The following THRB variants were observed in gnomAD, a reference collection of about 807,000 sequenced individuals.
THRB encodes the protein thyroid hormone receptor beta, also known as nuclear receptor subfamily 1 group A member 2.
In THRB, 12 loss-of-function variants were observed where a neutral mutation model predicts 47.8. The observed-to-expected ratio is 0.25, with a 90% CI of 0.16 to 0.41. The LOEUF is 0.41. Among genes scored for constraint, THRB ranks in the 10% least tolerant of loss-of-function variants. The probability of loss-of-function intolerance (pLI) is 1.00; values close to 1 mark genes in which losing one functional copy is unlikely to be tolerated. For synonymous variants in THRB, 218 were observed against 212.2 expected, an observed-to-expected ratio of 1.03 and a Z score of -0.24; for missense variants, 348 against 589.2, an observed-to-expected ratio of 0.59 and a Z score of 4.24.
intron 5 of THRB, among the ~76,000 whole-genome samples, chr3:24,159,347 G>T (rs1313000785): frequency 6.6e-6 from 1 of 152,160 alleles, no homozygotes; most frequent in Non-Finnish European, 1.5e-5. Flanking sequence ...CAAAATAAAA[G>T]AGATTGATGC....
intron 1 of THRB, among the ~76,000 whole-genome samples, chr3:24,395,001 C>T (rs547454062): frequency 2.0e-5 from 3 of 152,156 alleles, no homozygotes; most frequent in East Asian, 3.9e-4. Flanking sequence ...GCCTCATGAG[C>T]CATGCCCCAT....
chr3:24,358,033 G>A (rs560860279), intron 1 of THRB, among the ~76,000 whole-genome samples: 64 of 152,142 alleles, frequency 4.2e-4, no homozygotes, highest in Non-Finnish European at 4.3e-4. Context: ...TAGGAACTTC[G>A]TTTTATTCAC....
intron 4 of THRB, among the ~76,000 whole-genome samples, chr3:24,212,160 A>G (rs1016453665): frequency 2.6e-5 from 4 of 152,094 alleles, no homozygotes; most frequent in African/African-American, 9.7e-5. Context: ...GCACTTTGGG[A>G]GGCCGAGGTG....
At chr3:24,271,348 A>G (rs2053308284) in intron 3 of THRB, among the ~76,000 whole-genome samples, 1 of 152,202 alleles carries the variant, frequency 6.6e-6, no homozygotes, top group Non-Finnish European at 1.5e-5. Flanking sequence ...AACAGGGGAA[A>G]GAGAGTAATG....
intron 1 of THRB, chr3:24,459,280 C>T (rs968704224): frequency 6.6e-6 from 1 of 152,184 alleles, no homozygotes; most frequent in Admixed American, 6.5e-5. Context: ...CATGTCCCTG[C>T]AAAGGACATG....
intron 3 of THRB, among the ~76,000 whole-genome samples, chr3:24,269,435 A>ACACC (rs1429358862): frequency 6.8e-6 from 1 of 146,240 alleles, no homozygotes; most frequent in East Asian, 2.0e-4. Context: ...ACACACACAC[A>ACACC]CACACACTTA....
chr3:24,124,612 T>C lies in THRB; in HGVS notation c.1145-1487A>G, dbSNP rs114826012. On this transcript the variant is annotated intron_variant, in intron 10 of 10. Transcript: ENST00000646209. The stretch of plus-strand genomic sequence containing the variant: ...ATGAAGAGAGAAACATTTTAAAGAC[T>C]GAAGACCATTTTAACTCCTTAAGAC... Among the ~76,000 whole-genome samples the C allele has an allele frequency of 8.1e-3, 1,238 of 152,354 alleles. 16 individuals are homozygous for C. Among genetic ancestry groups the C allele is most frequent in the African/African-American group, 0.028 (1,163 of 41,582 alleles).
chr3:24,156,709 A>T (rs548680557), intron 5 of THRB, among the ~76,000 whole-genome samples: 35 of 152,270 alleles, frequency 2.3e-4, no homozygotes, highest in Non-Finnish European at 7.4e-5. Context: ...GGGATAGAGG[A>T]TGAGACTGTA....
chr3:24,176,546 G>T (rs2041180695), intron 5 of THRB, among the ~76,000 whole-genome samples: 1 of 152,116 alleles, frequency 6.6e-6, no homozygotes, highest in African/African-American at 2.4e-5. Flanking sequence ...AGTTTCAAAA[G>T]ATTTATTCTT....
intron 1 of THRB, among the ~76,000 whole-genome samples, chr3:24,371,595 T>C (rs971805592): frequency 2.6e-5 from 4 of 152,064 alleles, no homozygotes; most frequent in African/African-American, 9.7e-5. Flanking sequence ...TGTGGATGAG[T>C]GTTGGCCATA....
chr3:24,429,570 C>T (rs531405677), intron 1 of THRB, among the ~76,000 whole-genome samples: 18 of 152,040 alleles, frequency 1.2e-4, no homozygotes, highest in South Asian at 1.0e-3. Context: ...TGGGTGAAGA[C>T]GAGAGAATTA....
chr3:24,285,147 G>A lies in THRB; in HGVS notation c.-43+12079C>T, dbSNP rs1370169167. On this transcript the variant is annotated intron_variant, in intron 3 of 10. Coordinates refer to ENST00000646209, the MANE Select transcript of THRB (RefSeq NM_001354712.2). ...CACATGCACACATATGTTTATTGCG[G>A]CATTATTCACAATAGCAAAGACTTG... Among the ~76,000 whole-genome samples the A allele has an allele frequency of 1.1e-4, 16 of 149,476 alleles. No individual in the cohort carries two copies. In the South Asian group the frequency reaches 3.2e-3, roughly 30 times the overall value.
intron 5 of THRB, chr3:24,165,574 A>G (rs1262110117): frequency 9.9e-6 from 5 of 506,202 alleles, no homozygotes; most frequent in African/African-American, 1.9e-5. Flanking sequence ...ATTTAGACCG[A>G]GGTGTCTTTT....
At chr3:24,442,036 A>T (rs73034405) in intron 1 of THRB, among the ~76,000 whole-genome samples, 6,463 of 150,932 alleles carry the variant, frequency 0.043, 184 homozygotes, top group Non-Finnish European at 0.064. Context: ...TGTGGGCTAA[A>T]TTTTTTTTTT....
intron 1 of THRB, among the ~76,000 whole-genome samples, chr3:24,383,218 G>GACAA (rs57022667): frequency 0.027 from 4,121 of 151,946 alleles, 170 homozygotes; most frequent in African/African-American, 0.082. Flanking sequence ...CGGCTCAGAA[G>GACAA]ACAAACAAAC....
intron 1 of THRB, among the ~76,000 whole-genome samples, chr3:24,349,983 C>T (rs73043722): frequency 0.021 from 3,249 of 151,962 alleles, 48 homozygotes; most frequent in Non-Finnish European, 0.033. Context: ...AGATGACTTA[C>T]AAAGGAATCA....
chr3:24,123,216 C>A, intron 10 of THRB, 91 bp from the exon 11 acceptor site: 2 of 1,576,650 alleles, frequency 1.3e-6, no homozygotes, highest in Non-Finnish European at 8.6e-7. Context: ...GGGGGGCGGG[C>A]AGATCTAGGG....
intron 3 of THRB, among the ~76,000 whole-genome samples, chr3:24,287,629 G>A (rs940035584): frequency 2.6e-5 from 4 of 152,202 alleles, no homozygotes; most frequent in Non-Finnish European, 5.9e-5. Flanking sequence ...CAGGAGCGTT[G>A]TCCCAGCTTT....
At chr3:24,133,623 G>C (rs908046760) in intron 8 of THRB, among the ~76,000 whole-genome samples, 161 bp from the exon 9 acceptor site, 1 of 152,050 alleles carries the variant, frequency 6.6e-6, no homozygotes, top group African/African-American at 2.4e-5. Context: ...ACATCTTTGA[G>C]TAAAGATATA....
Sources: allele counts gnomAD v4.1 joint callset (sites outside exome capture counted in the v4.1 genomes callset), GRCh38; gene constraint gnomAD v4.1.1; transcripts MANE v1.5; gene names NCBI Gene and HGNC (gene_info 2026-07-23, HGNC 2026-07-21).